The following NSD2 variants were observed in gnomAD, a reference collection of about 807,000 sequenced individuals.
NSD2 encodes the protein nuclear receptor binding SET domain protein 2, also known as histone-lysine N-methyltransferase NSD2.
NSD2 carries 12 observed loss-of-function variants against 139.0 expected under a neutral mutation model. The ratio of observed to expected loss-of-function variants is 0.09; its 90% CI spans 0.06 to 0.14. NSD2 has a LOEUF of 0.14. NSD2 is among the 10% of genes least tolerant of loss of function. The probability of loss-of-function intolerance (pLI) is 1.00; values close to 1 mark genes in which losing one functional copy is unlikely to be tolerated. For synonymous variants in NSD2, 669 were observed against 648.7 expected (o/e 1.03, Z -0.48); for missense variants, 1,155 against 1,745.0 (o/e 0.66, Z 6.02).
At chr4:1,944,749 C>A in intron 9 of NSD2, 3 of 1,064,660 alleles carry the variant, frequency 2.8e-6, no homozygotes, top group Non-Finnish European at 3.4e-6. Context: ...CTTTATATAT[C>A]TGCTTCTAAA....
intron 9 of NSD2, chr4:1,947,317 ACACTTGGTCCTTGCTGC>A (rs765493392): frequency 2.8e-6 from 3 of 1,062,140 alleles, no homozygotes; most frequent in Non-Finnish European, 3.4e-6. Flanking sequence ...GCCACAGGTG[ACACTTGGTCCTTGCTGC>A]CACCTGCTTG....
Position 1,935,269 on chromosome 4 carries a change from G to A in NSD2, c.1674+7G>A, listed in dbSNP as rs1475318573. The A allele has an allele frequency of 1.2e-6, 2 of 1,608,860 alleles. No individual in the cohort carries two copies. Among genetic ancestry groups the A allele is most frequent in the Middle Eastern group, 1.7e-4 (1 of 6,030 alleles). On this transcript the variant is annotated splice_region_variant and intron_variant, in intron 7 of 21. Coordinates refer to ENST00000508803, the MANE Select transcript of NSD2 (RefSeq NM_001042424.3). ...CAAGCACAGTCTTCGGAAGGTAATT[G>A]TGTTCCAGGTTTGCTTGACCTGTCA...
chr4:1,888,309 G>C (rs977861711), intron 1 of NSD2, among the ~76,000 whole-genome samples: 1 of 149,014 alleles, frequency 6.7e-6, no homozygotes, highest in Non-Finnish European at 1.5e-5. Context: ...CTACTCAGGA[G>C]GCTGAAGCAG....
At chr4:1,918,060 C>T (rs529467952) in intron 4 of NSD2, 81 bp from the exon 5 acceptor site, 1,167 of 1,500,982 alleles carry the variant, frequency 7.8e-4, no homozygotes, top group South Asian at 9.6e-4. Context: ...GAATTATAGG[C>T]ATGAATCATG....
At chr4:1,905,316 G>A (rs1033933841) in intron 3 of NSD2, among the ~76,000 whole-genome samples, 1 of 152,240 alleles carries the variant, frequency 6.6e-6, no homozygotes, top group Non-Finnish European at 1.5e-5. Context: ...AGTTAGAACT[G>A]AGCAAGTTAG....
chr4:1,918,805 G>T, intron 5 of NSD2, 182 bp downstream of exon 5: 1 of 816,426 alleles, frequency 1.2e-6, no homozygotes, highest in South Asian at 2.0e-5. Flanking sequence ...AAAGATACTC[G>T]ACTTGCACTC....
chr4:1,951,268 C>T lies in NSD2; in HGVS notation c.2013+65C>T, dbSNP rs1296399075. ...CTGACTGGGGCCCCGGTACGCAGAGCGAATTTGTAGTGTCTTTTCCCTTCC... is the reference window on the plus strand; with the variant it reads ...CTGACTGGGGCCCCGGTACGCAGAGTGAATTTGTAGTGTCTTTTCCCTTCC... On this transcript the variant is annotated intron_variant, in intron 10 of 21. Transcript: ENST00000508803. The T allele has an allele frequency of 3.9e-5, 63 of 1,602,524 alleles. No individual in the cohort carries two copies. In the South Asian group the frequency reaches 5.2e-4, roughly 13 times the overall value.
At position 1,975,281 on chromosome 4, in the gene NSD2, C is replaced by T; in HGVS notation, c.3515-13C>T. The T allele has an allele frequency of 6.2e-7, 1 of 1,613,524 alleles. No individual in the cohort carries two copies. Among genetic ancestry groups the T allele is most frequent in the South Asian group, 1.1e-5 (1 of 91,072 alleles). ...GGTGTTTCCAATTTGGTGTCTGTCT[C>T]CTCTTCTCCCAGGGACGGAGCTGAC... is the stretch of plus-strand genomic sequence containing the variant. On this transcript the variant is annotated splice_polypyrimidine_tract_variant and intron_variant, in intron 19 of 21. Transcript: ENST00000508803.
chr4:1,886,062 T>G (rs1715055876), intron 1 of NSD2, among the ~76,000 whole-genome samples: 1 of 152,232 alleles, frequency 6.6e-6, no homozygotes, highest in South Asian at 2.1e-4. Flanking sequence ...AAGCATATTT[T>G]CTGCTTATCT....
At position 1,978,498 on chromosome 4, in the gene NSD2, T is replaced by G. The variant is rs546680783; in HGVS notation, c.3827-140T>G. On this transcript the variant is annotated intron_variant, in intron 21 of 21. Coordinates refer to ENST00000508803, the MANE Select transcript of NSD2 (RefSeq NM_001042424.3). Reference sequence around the variant, plus strand: ...CCCGCCCGGGCTGTGGTAGACAGTTTGTCTGCCCGTCCTGTTCGCTGGAGC... The same window carrying G: ...CCCGCCCGGGCTGTGGTAGACAGTTGGTCTGCCCGTCCTGTTCGCTGGAGC... 3.4e-5 allele frequency: 42 copies of G among 1,239,466 alleles called. No individual in the cohort carries two copies. The African/African-American group carries it at 5.2e-4, about 15-fold the overall frequency. 76.8% of individuals were successfully genotyped at this position (1,239,466 alleles called of 1,614,324 possible).
intron 5 of NSD2, among the ~76,000 whole-genome samples, chr4:1,921,317 G>T (rs560269628): frequency 6.6e-6 from 1 of 151,002 alleles, no homozygotes; most frequent in South Asian, 2.1e-4. Context: ...AAATAAGCTG[G>T]GCATGGTGGC....
At chr4:1,960,916 G>A (rs922215166) in intron 17 of NSD2, 119 bp from the exon 18 acceptor site, 3 of 668,674 alleles carry the variant, frequency 4.5e-6, no homozygotes, top group South Asian at 4.2e-5. Context: ...CGCCCTCCAC[G>A]GAGGTATGCT....
rs1260444824 is a variant in NSD2 at position 1,916,525 on chromosome 4, T to C, written c.761-346T>C. 2.6e-5 allele frequency among the ~76,000 whole-genome samples: 4 copies of C among 152,152 alleles called. No homozygotes were observed. In the East Asian group the frequency reaches 7.7e-4, roughly 29 times the overall value. On this transcript the variant is annotated intron_variant, in intron 3 of 21. Transcript: ENST00000508803. ...CACACCCGGCTAATTTTTGCATTTT[T>C]CGTAGAGATGGGCTTTTGCCATGTT...
chr4:1,898,676 AAAC>A (rs1391469800), intron 1 of NSD2, among the ~76,000 whole-genome samples: 3 of 150,040 alleles, frequency 2.0e-5, no homozygotes, highest in Non-Finnish European at 4.4e-5. Context: ...AAAAAACAAA[AAAC>A]AAAAAACACA....
At position 1,974,888 on chromosome 4, in the gene NSD2, A is replaced by G; in HGVS notation, c.3398A>G (p.Lys1133Arg). 1.9e-6 allele frequency: 3 copies of G among 1,614,248 alleles called. No homozygotes were observed. The highest frequency in any genetic ancestry group is 1.7e-6 in the Non-Finnish European group (2 of 1,180,044). Reference sequence around the variant, plus strand: ...GACCGTATAATAGACGCTGGCCCCAAAGGAAACTACTCTCGATTTATGAAT... The same window carrying G: ...GACCGTATAATAGACGCTGGCCCCAGAGGAAACTACTCTCGATTTATGAAT... Reference protein sequence around the residue: ...DKDRIIDAGPKGNYSRFMNHS... With the variant: ...DKDRIIDAGPRGNYSRFMNHS... Residue 1133 changes from lysine (K) to arginine (R), a missense_variant, in exon 19 of 22, where the codon AAA becomes AGA. Around this residue, in one of 8 missense-constraint regions of NSD2, gnomAD observed 139 missense variants for 485.8 expected, o/e 0.29. Coordinates refer to ENST00000508803, the MANE Select transcript of NSD2 (RefSeq NM_001042424.3). The surrounding 1 kb of genome is among the most constrained non-coding windows in gnomAD (Gnocchi z 4.0).
intron 9 of NSD2, among the ~76,000 whole-genome samples, chr4:1,950,573 C>T (rs1330609864): frequency 1.3e-5 from 2 of 152,194 alleles, no homozygotes; most frequent in Non-Finnish European, 2.9e-5. Context: ...TGAAAGGACG[C>T]ATGGTCTCCA....
intron 5 of NSD2, among the ~76,000 whole-genome samples, chr4:1,921,868 G>T (rs1054169123): frequency 3.9e-5 from 6 of 151,950 alleles, no homozygotes; most frequent in Non-Finnish European, 8.8e-5. Context: ...CCAATATTAG[G>T]CCGGGCGCGG....
intron 1 of NSD2, among the ~76,000 whole-genome samples, chr4:1,877,434 CCTCAT>C (rs1012933268): frequency 6.6e-6 from 1 of 152,006 alleles, no homozygotes; most frequent in African/African-American, 2.4e-5. Flanking sequence ...CTTGTTTTGC[CCTCAT>C]CTCAGTTACT....
At chr4:1,906,528 C>T (rs896371623) in intron 3 of NSD2, among the ~76,000 whole-genome samples, 1 of 152,048 alleles carries the variant, frequency 6.6e-6, no homozygotes, top group Non-Finnish European at 1.5e-5. Context: ...AAATGAGCCA[C>T]AGTGCCGCAG....
Sources: gnomAD v4.1 joint callset for allele counts (sites outside exome capture counted in the v4.1 genomes callset) on GRCh38, gnomAD v4.1.1 for gene constraint, gnomAD v4.1.1 regional missense constraint, Gnocchi (gnomAD v3.1) non-coding constraint, MANE v1.5 for transcripts, NCBI Gene and HGNC (gene_info 2026-07-23, HGNC 2026-07-21) for gene names.